STEAP3: variants seen among roughly 807,000 people sequenced by gnomAD.
The protein encoded by STEAP3 is STEAP3 metalloreductase.
STEAP3 carries 35 observed loss-of-function variants against 34.9 expected under a neutral mutation model. The observed-to-expected ratio is 1.00, with a 90% CI of 0.76 to 1.33. The LOEUF is 1.33. Among genes scored for constraint, STEAP3 ranks in the 40% most tolerant of loss-of-function variants. STEAP3 has a pLI of 0.00. For missense variants in STEAP3, 652 were observed against 667.6 expected (o/e 0.98, Z 0.26); for synonymous variants, 281 against 301.6 (o/e 0.93, Z 0.71).
chr2:119,231,754 G>T (rs1676944749), intron 2 of STEAP3, among the ~76,000 whole-genome samples: 1 of 152,090 alleles, frequency 6.6e-6, no homozygotes, highest in Non-Finnish European at 1.5e-5. Context: ...TCTAAATAAT[G>T]ATTCCAGGCA....
intron 5 of STEAP3, among the ~76,000 whole-genome samples, chr2:119,261,226 G>A (rs1406516822): frequency 6.6e-6 from 1 of 152,106 alleles, no homozygotes; most frequent in Non-Finnish European, 1.5e-5. Flanking sequence ...AAACACTTCT[G>A]AGGGGAGTGC....
At chr2:119,257,413 A>G in intron 5 of STEAP3, 1 of 1,425,202 alleles carries the variant, frequency 7.0e-7, no homozygotes, top group Non-Finnish European at 9.2e-7. Flanking sequence ...CTGGCAATCT[A>G]TTTTTGCAGC....
rs557719781 is a variant in STEAP3 at position 119,245,409 on chromosome 2, A to G, written c.23-80A>G. 6.6e-6 allele frequency: 10 copies of G among 1,510,860 alleles called. No homozygotes were observed. In the African/African-American group the frequency reaches 1.3e-4, roughly 19 times the overall value. 93.6% of individuals were successfully genotyped at this position (1,510,860 alleles called of 1,614,324 possible). A position where few individuals can be genotyped will look rare whatever the true frequency, so the allele number is the denominator to read the frequency against. On this transcript the variant is annotated intron_variant, in intron 2 of 5. Transcript: ENST00000393110. ...GTGAATGTCTGACTGCCGTGTAGTTACGATGTATAAGAGGAGGGAGGTGGC... is the reference window on the plus strand; with the variant it reads ...GTGAATGTCTGACTGCCGTGTAGTTGCGATGTATAAGAGGAGGGAGGTGGC...
chr2:119,230,084 A>G (rs1188050950), intron 1 of STEAP3, among the ~76,000 whole-genome samples: 1 of 152,214 alleles, frequency 6.6e-6, no homozygotes, highest in Non-Finnish European at 1.5e-5. Context: ...TGAGATAAAG[A>G]TGCCCGGGAT....
At chr2:119,256,270 C>T (rs749874261) in intron 5 of STEAP3, among the ~76,000 whole-genome samples, 1 of 152,208 alleles carries the variant, frequency 6.6e-6, no homozygotes, top group African/African-American at 2.4e-5. Flanking sequence ...GCCTCTGAAT[C>T]TCCCTGGCTC....
chr2:119,253,046 T>C (rs1407827128), intron 4 of STEAP3, among the ~76,000 whole-genome samples: 1 of 152,162 alleles, frequency 6.6e-6, no homozygotes, highest in Non-Finnish European at 1.5e-5. Flanking sequence ...GAGTAAGACT[T>C]CTCTGGGCAG....
chr2:119,230,075 G>A (rs1679167555), intron 1 of STEAP3, among the ~76,000 whole-genome samples: 1 of 152,196 alleles, frequency 6.6e-6, no homozygotes, highest in Non-Finnish European at 1.5e-5. Context: ...ATGTGGGCTT[G>A]AGATAAAGAT....
At chr2:119,253,944 G>A (rs548978031) in intron 4 of STEAP3, among the ~76,000 whole-genome samples, 9 of 152,232 alleles carry the variant, frequency 5.9e-5, no homozygotes, top group African/African-American at 1.9e-4. Flanking sequence ...GTGAATGGCC[G>A]TCAGTCTCTC....
Position 119,265,261 on chromosome 2 carries a change from T to G in STEAP3, c.*1923T>G, listed in dbSNP as rs1397130042. On this transcript the variant is annotated 3_prime_UTR_variant, in exon 6 of 6. Transcript: ENST00000393110. ...GGCACATAGCAGAACCCAGTGCACGTCCTCCCCTTCCCACCCACCTCTGGC... is the reference window on the plus strand; with the variant it reads ...GGCACATAGCAGAACCCAGTGCACGGCCTCCCCTTCCCACCCACCTCTGGC... 1.3e-5 allele frequency: 2 copies of G among 152,102 alleles called. No homozygotes were observed. Among genetic ancestry groups the G allele is most frequent in the Non-Finnish European group, 2.9e-5 (2 of 68,036 alleles). 9.4% of individuals were successfully genotyped at this position (152,102 alleles called of 1,614,324 possible).
intron 4 of STEAP3, among the ~76,000 whole-genome samples, chr2:119,251,779 C>T (rs981529599): frequency 3.9e-5 from 6 of 152,146 alleles, no homozygotes; most frequent in Non-Finnish European, 5.9e-5. Flanking sequence ...GGGCAGAGCT[C>T]ATTCCTCTCG....
At chr2:119,248,536 G>A (rs1298618675) in intron 4 of STEAP3, 2 of 298,442 alleles carry the variant, frequency 6.7e-6, no homozygotes, top group Non-Finnish European at 1.2e-5. Flanking sequence ...GGGGGTGCAG[G>A]TTTGAAGATG....
intron 2 of STEAP3, among the ~76,000 whole-genome samples, chr2:119,242,018 G>A (rs1044033821): frequency 6.6e-6 from 1 of 152,202 alleles, no homozygotes; most frequent in Non-Finnish European, 1.5e-5. Context: ...TCTGTCTCTA[G>A]CTGCCCTATG....
Position 119,230,822 on chromosome 2 carries a change from C to G in STEAP3, c.-191C>G, listed in dbSNP as rs990596541. 5.8e-6 allele frequency: 4 copies of G among 692,730 alleles called. No homozygotes were observed. The highest frequency in any genetic ancestry group is 5.3e-5 in the African/African-American group (3 of 57,066). 42.9% of individuals were successfully genotyped at this position (692,730 alleles called of 1,614,324 possible). On this transcript the variant is annotated 5_prime_UTR_variant, in exon 2 of 6. Coordinates refer to ENST00000393110, the MANE Select transcript of STEAP3 (RefSeq NM_182915.3). ...CCACTCCCGGTCCAGCCCCTGTGGC[C>G]AAGAGCTGGCGTGCAGGCTGCGGGA...
chr2:119,247,077 T>C (rs1442567673), intron 3 of STEAP3, among the ~76,000 whole-genome samples: 1 of 151,886 alleles, frequency 6.6e-6, no homozygotes, highest in East Asian at 1.9e-4. Context: ...GCCCACGGGG[T>C]GCTTGGGGAT....
chr2:119,231,066 G>T, intron 2 of STEAP3, 32 bp downstream of exon 2: 3 of 1,613,982 alleles, frequency 1.9e-6, no homozygotes, highest in Non-Finnish European at 2.5e-6. Flanking sequence ...ATCCAAGGGG[G>T]CATGGGTCGT....
At chr2:119,251,651 C>A (rs1319445996) in intron 4 of STEAP3, among the ~76,000 whole-genome samples, 1 of 152,138 alleles carries the variant, frequency 6.6e-6, no homozygotes, top group Non-Finnish European at 1.5e-5. Context: ...GATCCAGTGA[C>A]CCCAGTGTCC....
rs1447786009 is a variant in STEAP3, at chr2:119,263,812, G to T, written c.*474G>T. ...GCTAGGGCTCTGAAGGGGAGGGAAGGCAACGGCTCTGCCCAGAGCCATCCC... is the reference window on the plus strand; with the variant it reads ...GCTAGGGCTCTGAAGGGGAGGGAAGTCAACGGCTCTGCCCAGAGCCATCCC... On this transcript the variant is annotated 3_prime_UTR_variant, in exon 6 of 6. Transcript: ENST00000393110. The T allele has an allele frequency of 7.2e-6, 2 of 276,124 alleles. No individual in the cohort carries two copies. Among genetic ancestry groups the T allele is most frequent in the Non-Finnish European group, 1.4e-5 (2 of 142,198 alleles). 17.1% of individuals were successfully genotyped at this position (276,124 alleles called of 1,614,324 possible).
chr2:119,252,274 C>T (rs1677648214), intron 4 of STEAP3, among the ~76,000 whole-genome samples: 1 of 152,232 alleles, frequency 6.6e-6, no homozygotes, highest in Non-Finnish European at 1.5e-5. Context: ...TGCTATGAGC[C>T]AGGAAAGGGA....
chr2:119,236,615 C>T (rs1677101641), intron 2 of STEAP3, among the ~76,000 whole-genome samples: 1 of 152,216 alleles, frequency 6.6e-6, no homozygotes, highest in East Asian at 1.9e-4. Flanking sequence ...TGAAATGATC[C>T]TCTGCCTGGT....
Sources: allele counts gnomAD v4.1 joint callset (sites outside exome capture counted in the v4.1 genomes callset), GRCh38; gene constraint gnomAD v4.1.1; transcripts MANE v1.5; gene names NCBI Gene and HGNC (gene_info 2026-07-23, HGNC 2026-07-21).